Variants in CHD9 observed in about 807,000 individuals in gnomAD.
CHD9 encodes the protein ATP-dependent chromatin remodeler CHD9.
A neutral mutation model predicts 316.1 loss-of-function variants in CHD9; 77 were observed. That is an observed-to-expected ratio of 0.24 (90% CI 0.20 to 0.29). The LOEUF is 0.29. Among genes scored for constraint, CHD9 ranks in the 10% least tolerant of loss-of-function variants. The probability of loss-of-function intolerance (pLI) is 1.00; values close to 1 mark genes in which losing one functional copy is unlikely to be tolerated. For synonymous variants in CHD9, 1,129 were observed against 1,158.3 expected (o/e 0.97, Z 0.51); for missense variants, 2,763 against 3,438.1 (o/e 0.80, Z 4.91).
intron 1 of CHD9, among the ~76,000 whole-genome samples, chr16:53,137,180 G>A (rs2039781557): frequency 6.6e-6 from 1 of 151,982 alleles, no homozygotes; most frequent in East Asian, 1.9e-4. Context: ...CACCATGTTG[G>A]CCAGGATGGT....
At chr16:53,171,830 CCA>C (rs71380026) in intron 2 of CHD9, among the ~76,000 whole-genome samples, 81,729 of 135,248 alleles carry the variant, frequency 0.6, 24,553 homozygotes, top group Middle Eastern at 0.68. Flanking sequence ...ACAAACAAAA[CCA>C]CACACACACA....
chr16:53,163,065 A>G (rs1487037695), intron 2 of CHD9, among the ~76,000 whole-genome samples: 1 of 152,094 alleles, frequency 6.6e-6, no homozygotes, highest in African/African-American at 2.4e-5. Context: ...TGGTTGTTAT[A>G]AAAAAATGGG....
intron 1 of CHD9, among the ~76,000 whole-genome samples, chr16:53,133,713 G>C (rs1413889927): frequency 6.6e-6 from 1 of 152,126 alleles, no homozygotes; most frequent in Non-Finnish European, 1.5e-5. Context: ...CGGTGTCCAT[G>C]GAAAAAGCCC....
rs1308376026 is a variant in CHD9 at position 53,304,361 on chromosome 16, A to G, written c.6355A>G (p.Lys2119Glu). Residue 2119 changes from lysine (K) to glutamate (E), a missense_variant, in exon 31 of 39, where the codon AAG becomes GAG. Physicochemically the swap from Lys to Glu is moderately conservative, Grantham distance 56. Coordinates refer to ENST00000447540, the MANE Select transcript of CHD9 (RefSeq NM_001308319.2). Reference sequence around the variant, plus strand: ...ACCCCTAACTCCAAACCCAGCTTCTAAGAAACCAAGAGTCCACAAAAGGGG... The same window carrying G: ...ACCCCTAACTCCAAACCCAGCTTCTGAGAAACCAAGAGTCCACAAAAGGGG... ...TEPLTPNPASKKPRVHKRGSE... is the reference protein window; with the variant it reads ...TEPLTPNPASEKPRVHKRGSE... 4 of 1,613,320 alleles carry G rather than the reference A, an allele frequency of 2.5e-6. No individual in the cohort carries two copies. Among genetic ancestry groups the G allele is most frequent in the Non-Finnish European group, 3.4e-6 (4 of 1,179,832 alleles).
At chr16:53,270,125 G>T (rs2052095461) in intron 22 of CHD9, among the ~76,000 whole-genome samples, 1 of 150,398 alleles carries the variant, frequency 6.6e-6, no homozygotes, top group Admixed American at 6.6e-5. Flanking sequence ...CTCCCCTATA[G>T]CTGGGAGTAC....
intron 1 of CHD9, among the ~76,000 whole-genome samples, chr16:53,090,291 G>C (rs532905419): frequency 6.6e-6 from 1 of 152,182 alleles, no homozygotes; most frequent in Non-Finnish European, 1.5e-5. Flanking sequence ...CTTCCTGACC[G>C]AGCCTGGGAG....
In CHD9 at chr16:53,179,805, G is replaced by A. The variant is rs1254919260; in HGVS notation, c.1452+22264G>A. Among the ~76,000 whole-genome samples the A allele has an allele frequency of 3.3e-5, 5 of 151,014 alleles. No homozygotes were observed. The South Asian group carries it at 1.0e-3, about 32-fold the overall frequency. On this transcript the variant is annotated intron_variant, in intron 2 of 38. Transcript: ENST00000447540. ...CCAGCTGCTCGGGAGGCTGAGGCAGGAAAATCACTTGAACCTGGGAGGCAG... is the reference window on the plus strand; with the variant it reads ...CCAGCTGCTCGGGAGGCTGAGGCAGAAAAATCACTTGAACCTGGGAGGCAG...
chr16:53,235,815 A>G (rs1489184131), intron 11 of CHD9, among the ~76,000 whole-genome samples: 2 of 152,214 alleles, frequency 1.3e-5, no homozygotes, highest in Non-Finnish European at 2.9e-5. Flanking sequence ...AATGCCTTAT[A>G]GAATATCTTA....
intron 1 of CHD9, among the ~76,000 whole-genome samples, chr16:53,057,303 A>G (rs781528480): frequency 2.6e-5 from 4 of 151,600 alleles, no homozygotes; most frequent in Admixed American, 6.6e-5. Context: ...ACTTGAGCTA[A>G]GGAGTTTGAG....
At chr16:53,210,839 A>G (rs1019153817) in intron 3 of CHD9, among the ~76,000 whole-genome samples, 1 of 152,108 alleles carries the variant, frequency 6.6e-6, no homozygotes, top group African/African-American at 2.4e-5. Flanking sequence ...TCCTTATGTC[A>G]TTCAGGTCCA....
intron 34 of CHD9, among the ~76,000 whole-genome samples, chr16:53,310,314 C>G (rs2056354378): frequency 6.6e-6 from 1 of 151,890 alleles, no homozygotes; most frequent in African/African-American, 2.4e-5. Context: ...ATTTTGTTAT[C>G]AAAGGAGCCC....
At chr16:53,108,162 A>G (rs2037519532) in intron 1 of CHD9, among the ~76,000 whole-genome samples, 1 of 152,190 alleles carries the variant, frequency 6.6e-6, no homozygotes, top group Non-Finnish European at 1.5e-5. Context: ...CTAAAATTTT[A>G]TTATTAGCAA....
At chr16:53,238,622 G>T in intron 12 of CHD9, 36 bp downstream of exon 12, 1 of 1,600,584 alleles carries the variant, frequency 6.2e-7, no homozygotes, top group Non-Finnish European at 8.5e-7. Flanking sequence ...TGTTTGAAAG[G>T]TCAGGGCTGA....
At chr16:53,302,534 T>A (rs55808756) in intron 30 of CHD9, among the ~76,000 whole-genome samples, 18,991 of 152,210 alleles carry the variant, frequency 0.12, 1,325 homozygotes, top group South Asian at 0.24. Context: ...GTAAAATTAC[T>A]GTAATTAACA....
intron 1 of CHD9, among the ~76,000 whole-genome samples, chr16:53,117,725 A>G (rs1020330728): frequency 2.0e-5 from 3 of 151,820 alleles, no homozygotes; most frequent in Admixed American, 2.0e-4. Context: ...CTGACATACT[A>G]TTTTTGAGAT....
intron 1 of CHD9, among the ~76,000 whole-genome samples, chr16:53,140,793 G>A (rs1188264142): frequency 1.3e-5 from 2 of 152,206 alleles, no homozygotes; most frequent in African/African-American, 4.8e-5. Context: ...GTCTCGCTGT[G>A]TGCCCAGGCT....
At chr16:53,307,174 C>T (rs994276559) in intron 32 of CHD9, among the ~76,000 whole-genome samples, 1 of 152,090 alleles carries the variant, frequency 6.6e-6, no homozygotes, top group Admixed American at 6.6e-5. Flanking sequence ...TTCTCCTCTT[C>T]TGTGTACGTC....
At position 53,205,106 on chromosome 16, in the gene CHD9, G is replaced by A. The variant is rs535875612; in HGVS notation, c.1453-4376G>A. ...ATGCATCCACCTTGGCCTCCCCAAG[G>A]CTGGGATTACAGGCATGAGCCACCG... is the stretch of plus-strand genomic sequence containing the variant. On this transcript the variant is annotated intron_variant, in intron 2 of 38. Coordinates refer to ENST00000447540, the MANE Select transcript of CHD9 (RefSeq NM_001308319.2). Among the ~76,000 whole-genome samples, 19 of 152,200 alleles carry A rather than the reference G, an allele frequency of 1.2e-4. No homozygotes were observed. The East Asian group carries it at 3.7e-3, about 29-fold the overall frequency.
intron 1 of CHD9, among the ~76,000 whole-genome samples, chr16:53,059,717 T>C (rs2032620761): frequency 6.6e-6 from 1 of 152,212 alleles, no homozygotes; most frequent in African/African-American, 2.4e-5. Context: ...CAGCAAACTT[T>C]TTCTGTAAAG....
Sources: allele counts gnomAD v4.1 joint callset (sites outside exome capture counted in the v4.1 genomes callset), GRCh38; gene constraint gnomAD v4.1.1; transcripts MANE v1.5; gene names NCBI Gene and HGNC (gene_info 2026-07-23, HGNC 2026-07-21).